Variants in TEX2 observed in about 807,000 individuals in gnomAD.
TEX2 encodes testis-expressed protein 2.
A neutral mutation model predicts 106.9 loss-of-function variants in TEX2; 53 were observed. The ratio of observed to expected loss-of-function variants is 0.50; its 90% confidence interval spans 0.40 to 0.62. The LOEUF is 0.62. Ranked by LOEUF, TEX2 falls within the 20% of genes least tolerant of loss-of-function variation. The pLI is 0.00. For synonymous variants in TEX2, 523 were observed against 534.8 expected (o/e 0.98, Z 0.30); for missense variants, 1,207 against 1,379.0 (o/e 0.88, Z 1.98).
At chr17:64,262,733 C>A (rs2034315443) in intron 1 of TEX2, among the ~76,000 whole-genome samples, 1 of 152,266 alleles carries the variant, frequency 6.6e-6, no homozygotes, top group Non-Finnish European at 1.5e-5. Flanking sequence ...CAACCTCTGA[C>A]AGATTCGAGT....
At position 64,189,454 on chromosome 17, in the gene TEX2, G is replaced by A. The variant is rs575055219; in HGVS notation, c.2177-1039C>T. ...ATGCAAAAAGCAGTGACAGGGCACA[G>A]TATGTTTGGAGGCCAGTGAGAGATT... On this transcript the variant is annotated intron_variant, in intron 4 of 11. Coordinates refer to ENST00000584379, the MANE Select transcript of TEX2 (RefSeq NM_001288732.2). Among the ~76,000 whole-genome samples the A allele has an allele frequency of 2.0e-5, 3 of 152,324 alleles. No individual in the cohort carries two copies. In the East Asian group the frequency reaches 5.8e-4, roughly 29 times the overall value.
At chr17:64,244,351 G>A (rs1054676789) in intron 1 of TEX2, among the ~76,000 whole-genome samples, 3 of 152,146 alleles carry the variant, frequency 2.0e-5, no homozygotes, top group Non-Finnish European at 4.4e-5. Flanking sequence ...AGCCCCTGAC[G>A]TCTAGACAGC....
At chr17:64,215,442 G>T (rs1291424153) in intron 1 of TEX2, among the ~76,000 whole-genome samples, 1 of 152,214 alleles carries the variant, frequency 6.6e-6, no homozygotes, top group Non-Finnish European at 1.5e-5. Context: ...GGCATGGTGT[G>T]TGCAGCCACC....
At chr17:64,177,546 C>T in intron 5 of TEX2, 75 bp from the exon 6 acceptor site, 1 of 1,507,786 alleles carries the variant, frequency 6.6e-7, no homozygotes, top group East Asian at 2.3e-5. Flanking sequence ...TTTATAAAGT[C>T]ACTGAAGGTC....
At chr17:64,149,258 TGAG>T (rs2030220179) in intron 11 of TEX2, 167 bp from the exon 12 acceptor site, 3 of 677,604 alleles carry the variant, frequency 4.4e-6, no homozygotes, top group Admixed American at 3.2e-5. Context: ...TAGAAAGAGT[TGAG>T]GAATCATACC....
Position 64,196,982 on chromosome 17 carries a change from ATTTT to A in TEX2, c.1645-1891_1645-1888del, listed in dbSNP as rs59960456. 2.9e-3 allele frequency among the ~76,000 whole-genome samples: 185 copies of A among 63,568 alleles called. 1 individual carries two copies. The highest frequency in any genetic ancestry group is 7.6e-3 in the African/African-American group (138 of 18,272). 41.7% of individuals were successfully genotyped at this position (63,568 alleles called of 152,430 possible). A position where few individuals can be genotyped will look rare whatever the true frequency, so the allele number is the denominator to read the frequency against. ...GAAATCAGGGAATAGTCAAATCAAG[ATTTT>A]TTTTTTTTTTTTTTTTTTTTGGAGA... is the stretch of plus-strand genomic sequence containing the variant. On this transcript the variant is annotated intron_variant, in intron 2 of 11. Coordinates refer to ENST00000584379, the MANE Select transcript of TEX2 (RefSeq NM_001288732.2).
chr17:64,209,875 C>G (rs1220996320), intron 2 of TEX2, among the ~76,000 whole-genome samples: 1 of 152,214 alleles, frequency 6.6e-6, no homozygotes, highest in Non-Finnish European at 1.5e-5. Flanking sequence ...AGCAACCAGG[C>G]TGTGCTATAA....
chr17:64,208,332 GAGCTC>G (rs2032901019), intron 2 of TEX2, among the ~76,000 whole-genome samples: 1 of 151,668 alleles, frequency 6.6e-6, no homozygotes, highest in Non-Finnish European at 1.5e-5. Flanking sequence ...TTGACCCCCT[GAGCTC>G]AAGCGATCTT....
At chr17:64,188,517 T>A in intron 4 of TEX2, 102 bp from the exon 5 acceptor site, 1 of 1,541,822 alleles carries the variant, frequency 6.5e-7, no homozygotes. Flanking sequence ...AAATGACTGT[T>A]TAAAAATATT....
At chr17:64,201,569 A>G (rs566658772) in intron 2 of TEX2, among the ~76,000 whole-genome samples, 6 of 152,224 alleles carry the variant, frequency 3.9e-5, no homozygotes, top group Admixed American at 2.0e-4. Flanking sequence ...TCCAATGTCT[A>G]CAGAGTGGCA....
intron 7 of TEX2, among the ~76,000 whole-genome samples, chr17:64,162,285 A>C (rs1182967942): frequency 6.6e-6 from 1 of 152,234 alleles, no homozygotes; most frequent in African/African-American, 2.4e-5. Context: ...AAAGACATTT[A>C]GTTTTTAATC....
chr17:64,158,066 T>C (rs2143639355), intron 8 of TEX2, among the ~76,000 whole-genome samples: 1 of 152,356 alleles, frequency 6.6e-6, no homozygotes, highest in Non-Finnish European at 1.5e-5. Flanking sequence ...GAATGTTGTA[T>C]GTTATGTTAC....
At chr17:64,221,467 T>C (rs1455735691) in intron 1 of TEX2, among the ~76,000 whole-genome samples, 2 of 152,258 alleles carry the variant, frequency 1.3e-5, no homozygotes, top group Middle Eastern at 3.4e-3. Flanking sequence ...CACTAGTTAT[T>C]AGGAAAATGC....
At chr17:64,207,666 G>T (rs1266642135) in intron 2 of TEX2, among the ~76,000 whole-genome samples, 1 of 151,930 alleles carries the variant, frequency 6.6e-6, no homozygotes, top group African/African-American at 2.4e-5. Flanking sequence ...CATCAACCTG[G>T]AGGCAGAGTG....
chr17:64,261,436 T>C (rs1555638538), intron 1 of TEX2, among the ~76,000 whole-genome samples: 1 of 152,164 alleles, frequency 6.6e-6, no homozygotes, highest in Non-Finnish European at 1.5e-5. Context: ...TTATGTTTGG[T>C]ATATGCTGTG....
chr17:64,215,115 C>T (rs184620339), intron 1 of TEX2, among the ~76,000 whole-genome samples: 4 of 152,310 alleles, frequency 2.6e-5, no homozygotes, highest in Admixed American at 6.5e-5. Context: ...TTAGCTGGAA[C>T]GAAGTCAGAA....
chr17:64,230,947 T>C (rs117646490), intron 1 of TEX2, among the ~76,000 whole-genome samples: 4,824 of 152,296 alleles, frequency 0.032, 130 homozygotes, highest in South Asian at 0.1. Flanking sequence ...AGTCAAAATA[T>C]TTTTCAAATA....
intron 1 of TEX2, among the ~76,000 whole-genome samples, chr17:64,229,423 G>C (rs1471059120): frequency 6.6e-6 from 1 of 151,948 alleles, no homozygotes; most frequent in Non-Finnish European, 1.5e-5. Context: ...CTTTATCAAG[G>C]ATAGTTAATA....
At chr17:64,231,379 T>C (rs782756166) in intron 1 of TEX2, among the ~76,000 whole-genome samples, 10 of 152,220 alleles carry the variant, frequency 6.6e-5, no homozygotes, top group Non-Finnish European at 1.2e-4. Context: ...CAACCCTGTG[T>C]GGTCACTGTT....
Sources: allele counts gnomAD v4.1 joint callset (sites outside exome capture counted in the v4.1 genomes callset), GRCh38; gene constraint gnomAD v4.1.1; transcripts MANE v1.5; gene names NCBI Gene and HGNC (gene_info 2026-07-23, HGNC 2026-07-21).